OR1A1: variants seen among roughly 807,000 people sequenced by gnomAD.
OR1A1 encodes olfactory receptor family 1 subfamily A member 1.
For synonymous variants in OR1A1, 145 were observed against 147.8 expected (o/e 0.98, Z 0.13); for missense variants, 391 against 379.9 (o/e 1.03, Z -0.24).
rs1389844506 is a variant in OR1A1, at chr17:3,215,748, T to C, written c.128T>C (p.Leu43Pro). Residue 43 changes from leucine to proline, a missense_variant, in exon 4 of 4, where the codon CTG (leucine) becomes CCG (proline). Physicochemically the swap from Leu to Pro is moderately conservative, Grantham distance 98. Coordinates refer to ENST00000641732, the MANE Select transcript of OR1A1 (RefSeq NM_014565.3). ...TACCCCATCACATTGATTGGAAACC[T>C]GCTCATCGTCCTAGCCATTTGCTCT... ...FIYPITLIGN[L>P]LIVLAICSDV... is the part of the protein sequence containing the mutation. 9.3e-6 allele frequency: 15 copies of C among 1,614,036 alleles called. No homozygotes were observed. Among genetic ancestry groups the C allele is most frequent in the Non-Finnish European group, 1.2e-5 (14 of 1,180,036 alleles).
rs1018180726 is a variant in OR1A1 at position 3,216,395 on chromosome 17, T to A, written c.775T>A (p.Phe259Ile). 3.7e-6 allele frequency: 6 copies of A among 1,614,220 alleles called. No homozygotes were observed. The highest frequency in any genetic ancestry group is 5.1e-6 in the Non-Finnish European group (6 of 1,180,050). Residue 259 changes from phenylalanine to isoleucine, a missense_variant, in exon 4 of 4, where the codon TTC becomes ATC. Transcript: ENST00000641732. ...LYYGTVMGTY[F>I]RPLTNYSLKD... is the part of the protein sequence containing the mutation. ...TTATGGTACAGTCATGGGCACGTAT[T>A]TCCGCCCTTTGACCAATTATAGCCT...
In OR1A1 at chr17:3,215,805, TC is replaced by T; in HGVS notation, c.187del (p.Ala64ProfsTer13). 2 of 1,614,162 alleles carry T rather than the reference TC, an allele frequency of 1.2e-6. No homozygotes were observed. Among genetic ancestry groups the T allele is most frequent in the Non-Finnish European group, 1.7e-6 (2 of 1,180,030 alleles). ...DVRLHNPMYF[L>X]LANLSLVDIF... is the part of the protein sequence containing the mutation. ...CGCCTTCACAACCCCATGTATTTTC[TC>T]CTTGCCAACCTCTCCTTGGTTGACA... On this transcript the variant is annotated frameshift_variant, in exon 4 of 4. Transcript: ENST00000641732. LOFTEE classifies it high-confidence loss of function.
intron 1 of OR1A1, 111 bp from the exon 2 acceptor site, chr17:3,208,470 G>T (rs1336983145): frequency 6.6e-6 from 1 of 152,008 alleles, no homozygotes; most frequent in African/African-American, 2.4e-5. Context: ...CATTACCAAA[G>T]CACTGATGAG....
intron 2 of OR1A1, among the ~76,000 whole-genome samples, chr17:3,211,426 C>T (rs868333698): frequency 5.3e-5 from 8 of 152,060 alleles, no homozygotes; most frequent in Admixed American, 1.3e-4. Context: ...CCTCTGCCCC[C>T]GCAGTTTCAA....
intron 2 of OR1A1, among the ~76,000 whole-genome samples, chr17:3,211,644 G>T (rs2048442477): frequency 6.6e-6 from 1 of 152,088 alleles, no homozygotes; most frequent in Admixed American, 6.6e-5. Flanking sequence ...TCTCCTACAT[G>T]AATTTTTGGA....
In OR1A1 at chr17:3,218,796, C is replaced by T. The variant is rs1422651943; in HGVS notation, c.*2246C>T. ...GGGTTGGGGGCAAGAGGAGGGATAG[C>T]ATTAGGAGAAATACCTAATGCAGAT... On this transcript the variant is annotated 3_prime_UTR_variant, in exon 4 of 4. Transcript: ENST00000641732. The T allele has an allele frequency of 6.6e-6, 1 of 152,112 alleles. No individual in the cohort carries two copies. The highest frequency in any genetic ancestry group is 1.5e-5 in the Non-Finnish European group (1 of 68,030). 9.4% of individuals were successfully genotyped at this position (152,112 alleles called of 1,614,324 possible).
chr17:3,216,242 G>C lies in OR1A1; in HGVS notation c.622G>C (p.Val208Leu), dbSNP rs560068484. The C allele has an allele frequency of 6.2e-7, 1 of 1,614,132 alleles. No homozygotes were observed. The highest frequency in any genetic ancestry group is 8.5e-7 in the Non-Finnish European group (1 of 1,180,038). The change falls in exon 4 of 4, where the codon GTG becomes CTG. Residue 208 changes from valine to leucine, a missense_variant. Coordinates refer to ENST00000641732, the MANE Select transcript of OR1A1 (RefSeq NM_014565.3). ...MMYLGVGIFSVPLLCIIVSYI... is the reference protein window; with the variant it reads ...MMYLGVGIFSLPLLCIIVSYI... ...GTACCTAGGGGTTGGCATTTTCTCT[G>C]TGCCATTACTATGCATCATTGTCTC...
Position 3,215,992 on chromosome 17 carries a change from G to A in OR1A1, c.372G>A (p.Val124=). 2 of 1,614,088 alleles carry A rather than the reference G, an allele frequency of 1.2e-6. No homozygotes were observed. Among genetic ancestry groups the A allele is most frequent in the Admixed American group, 1.7e-5 (1 of 60,012 alleles). The part of the protein sequence containing the change: ...ILAAMAYDRA[V]AISRPLHYTT... ...CTGCAATGGCATATGATCGAGCTGTGGCCATCAGCCGCCCACTTCACTACA... is the reference window on the plus strand; with the variant it reads ...CTGCAATGGCATATGATCGAGCTGTAGCCATCAGCCGCCCACTTCACTACA... Residue 124 remains valine, a synonymous_variant, in exon 4 of 4, where the codon GTG becomes GTA. Transcript: ENST00000641732.
rs371610534 is a variant in OR1A1, at chr17:3,216,497, C to T, written c.877C>T (p.Arg293Trp). 63 of 1,613,880 alleles carry T rather than the reference C, an allele frequency of 3.9e-5. No individual in the cohort carries two copies. Among genetic ancestry groups the T allele is most frequent in the African/African-American group, 2.4e-4 (18 of 74,890 alleles). The change falls in exon 4 of 4, where the codon CGG (arginine) becomes TGG (tryptophan). Residue 293 changes from arginine (R) to tryptophan (W), a missense_variant. Physicochemically the swap from Arg to Trp is moderately radical, Grantham distance 101. Coordinates refer to ENST00000641732, the MANE Select transcript of OR1A1 (RefSeq NM_014565.3). ...TCCTTTCATCTACAGTCTGAGAAAT[C>T]GGGACATGAAGGCTGCCCTGCGGAA... ...LNPFIYSLRN[R>W]DMKAALRKLF...
chr17:3,213,293 T>G lies in OR1A1; in HGVS notation c.-6+694T>G, dbSNP rs1484164449. On this transcript the variant is annotated intron_variant, in intron 3 of 3. Coordinates refer to ENST00000641732, the MANE Select transcript of OR1A1 (RefSeq NM_014565.3). ...AAGTAATTTATTGGGCTGCTTTTTG[T>G]TAAAAGGGAAGCTCTGCCAAAGACT... 7 of 152,196 alleles carry G rather than the reference T, an allele frequency of 4.6e-5. No homozygotes were observed. In the East Asian group the frequency reaches 1.3e-3, roughly 29 times the overall value. 9.4% of individuals were successfully genotyped at this position (152,196 alleles called of 1,614,324 possible).
intron 1 of OR1A1, 94 bp downstream of exon 1, chr17:3,208,094 C>T (rs2048420475): frequency 6.6e-6 from 1 of 152,174 alleles, no homozygotes; most frequent in African/African-American, 2.4e-5. Context: ...AAAATTAGAA[C>T]TCAAATCTTG....
intron 3 of OR1A1, chr17:3,214,005 G>A (rs2048454856): frequency 6.6e-6 from 1 of 152,172 alleles, no homozygotes; most frequent in Admixed American, 6.5e-5. Context: ...AACAATGATG[G>A]AGCTGAAGCA....
chr17:3,216,308 A>T lies in OR1A1; in HGVS notation c.688A>T (p.Thr230Ser). Residue 230 changes from threonine to serine, a missense_variant, in exon 4 of 4, where the codon ACC (threonine) becomes TCC (serine). Thr to Ser is a moderately conservative substitution (Grantham distance 58). Transcript: ENST00000641732. ...VFSTVFQVPS[T>S]KGVLKAFSTC... is the part of the protein sequence containing the mutation. ...CTCCACAGTCTTCCAGGTTCCTTCCACCAAGGGCGTGCTCAAGGCCTTCTC... is the reference window on the plus strand; with the variant it reads ...CTCCACAGTCTTCCAGGTTCCTTCCTCCAAGGGCGTGCTCAAGGCCTTCTC... 6.2e-7 allele frequency: 1 copy of T among 1,614,134 alleles called. No individual in the cohort carries two copies. The highest frequency in any genetic ancestry group is 2.2e-5 in the East Asian group (1 of 44,892).
At chr17:3,208,152 G>T (rs2048420837) in intron 1 of OR1A1, among the ~76,000 whole-genome samples, 152 bp downstream of exon 1, 1 of 137,960 alleles carries the variant, frequency 7.2e-6, no homozygotes, top group Admixed American at 7.0e-5. Context: ...ACAAGAGAGA[G>T]ATAGAGATAG....
chr17:3,213,212 G>A (rs926981166), intron 3 of OR1A1: 3 of 152,124 alleles, frequency 2.0e-5, no homozygotes, highest in African/African-American at 7.2e-5. Context: ...GCAGGCTTCC[G>A]GCTTGCTTGT....
chr17:3,216,459 C>A lies in OR1A1; in HGVS notation c.839C>A (p.Thr280Asn), dbSNP rs148293343. 3.7e-6 allele frequency: 6 copies of A among 1,613,972 alleles called. No homozygotes were observed. In the Middle Eastern group the frequency reaches 4.9e-4, roughly 133 times the overall value. ...AVITVMYTAV[T>N]PMLNPFIYSL... ...ATCACTGTAATGTACACGGCAGTGA[C>A]CCCAATGTTAAATCCTTTCATCTAC... is the stretch of plus-strand genomic sequence containing the variant. Residue 280 changes from threonine to asparagine, a missense_variant, in exon 4 of 4, where the codon ACC becomes AAC. Coordinates refer to ENST00000641732, the MANE Select transcript of OR1A1 (RefSeq NM_014565.3).
rs1426403908 is a variant in OR1A1 at position 3,216,560 on chromosome 17, G to T, written c.*10G>T. 1 of 1,599,242 alleles carries T rather than the reference G, an allele frequency of 6.3e-7. No individual in the cohort carries two copies. Among genetic ancestry groups the T allele is most frequent in the Non-Finnish European group, 8.5e-7 (1 of 1,170,506 alleles). ...GAGAATCTCCTCGTAACCAATGTGA[G>T]GGCCTACATTGGATACCGTAGTCAC... On this transcript the variant is annotated 3_prime_UTR_variant, in exon 4 of 4. Transcript: ENST00000641732.
chr17:3,212,230 C>T (rs2048445659), intron 2 of OR1A1, among the ~76,000 whole-genome samples: 1 of 152,082 alleles, frequency 6.6e-6, no homozygotes, highest in Non-Finnish European at 1.5e-5. Flanking sequence ...TGTGGTCACA[C>T]TGTATCAAGG....
At chr17:3,213,263 A>G (rs2150596422) in intron 3 of OR1A1, 1 of 152,290 alleles carries the variant, frequency 6.6e-6, no homozygotes, top group East Asian at 1.9e-4. Context: ...TCTTTGTTAG[A>G]AAAAAAGTAA....
Sources: gnomAD v4.1 joint callset for allele counts (sites outside exome capture counted in the v4.1 genomes callset) on GRCh38, gnomAD v4.1.1 for gene constraint, MANE v1.5 for transcripts, NCBI Gene and HGNC (gene_info 2026-07-23, HGNC 2026-07-21) for gene names.